Variants in P4HB observed in about 807,000 individuals in gnomAD.
The protein encoded by P4HB is prolyl 4-hydroxylase subunit beta, also known as protein disulfide-isomerase.
Under a neutral mutation model 52.6 loss-of-function variants are expected in P4HB, and 20 were observed. That is an observed-to-expected ratio of 0.38 (90% CI 0.27 to 0.55). P4HB has a LOEUF of 0.55. P4HB is among the 20% of genes least tolerant of loss of function. The pLI is 0.74. For missense variants in P4HB, 601 were observed against 669.2 expected (o/e 0.90, Z 1.12); for synonymous variants, 296 against 277.9 (o/e 1.07, Z -0.65).
In P4HB at chr17:81,843,952, C is replaced by T; in HGVS notation, c.*60G>A. The T allele has an allele frequency of 7.9e-7, 1 of 1,261,644 alleles. No individual in the cohort carries two copies. The highest frequency in any genetic ancestry group is 1.5e-5 in the African/African-American group (1 of 67,984). 78.2% of individuals were successfully genotyped at this position (1,261,644 alleles called of 1,614,324 possible). A position where few individuals can be genotyped will look rare whatever the true frequency, so the allele number is the denominator to read the frequency against. ...AGGCCGCAGGCTTCGGAGGCGTGCG[C>T]TGCTGCTGGGTGTGCAGCCCCCGAG... On this transcript the variant is annotated 3_prime_UTR_variant, in exon 11 of 11. Coordinates refer to ENST00000331483, the MANE Select transcript of P4HB (RefSeq NM_000918.4).
chr17:81,860,370 G>T lies in P4HB; in HGVS notation c.102C>A (p.Phe34Leu). 6.8e-7 allele frequency: 1 copy of T among 1,473,730 alleles called. No homozygotes were observed. 91.3% of individuals were successfully genotyped at this position (1,473,730 alleles called of 1,614,324 possible). A position where few individuals can be genotyped will look rare whatever the true frequency, so the allele number is the denominator to read the frequency against. ...DHVLVLRKSNFAEALAAHKYL... is the reference protein window; with the variant it reads ...DHVLVLRKSNLAEALAAHKYL... ...ACTTGTGGGCCGCCAGCGCCTCCGC[G>T]AAGTTGCTTTTCCGCAGCACCAGGA... The change falls in exon 1 of 11, where the codon TTC becomes TTA. Residue 34 changes from phenylalanine to leucine, a missense_variant. Physicochemically the swap from Phe to Leu is conservative, Grantham distance 22 (BLOSUM62 0). Coordinates refer to ENST00000331483, the MANE Select transcript of P4HB (RefSeq NM_000918.4).
rs1379665569 is a variant in P4HB, at chr17:81,846,674, C to A, written c.856-45G>T. ...TGCACAGGTGCGGGAGACGGCTGGC[C>A]TCTGCCTCCAGCCCTGACTTTGCTC... On this transcript the variant is annotated intron_variant, in intron 6 of 10. Coordinates refer to ENST00000331483, the MANE Select transcript of P4HB (RefSeq NM_000918.4). This position sits in a 1 kb window ranked among gnomAD's most constrained non-coding sequence, Gnocchi z 5.7. 1 of 1,566,304 alleles carries A rather than the reference C, an allele frequency of 6.4e-7. No homozygotes were observed. The highest frequency in any genetic ancestry group is 2.2e-5 in the East Asian group (1 of 44,502).
Position 81,846,624 on chromosome 17 carries a change from C to A in P4HB, c.861G>T (p.Leu287=). 1 of 1,613,718 alleles carries A rather than the reference C, an allele frequency of 6.2e-7. No individual in the cohort carries two copies. The part of the protein sequence containing the change: ...TAAESFKGKI[L]FIFIDSDHTD... The stretch of plus-strand genomic sequence containing the variant: ...TGTGGTCGCTGTCGATGAAGATGAA[C>A]AGGATCTGGGGGAGAAAAGGAGGTT... The change falls in exon 7 of 11, where the codon CTG becomes CTT. Residue 287 remains leucine (L), a synonymous_variant. Coordinates refer to ENST00000331483, the MANE Select transcript of P4HB (RefSeq NM_000918.4). This position sits in a 1 kb window ranked among gnomAD's most constrained non-coding sequence, Gnocchi z 5.7.
rs1398038074 is a variant in P4HB at position 81,847,328 on chromosome 17, T to C, written c.644A>G (p.Asn215Ser). 6.2e-7 allele frequency: 1 copy of C among 1,614,076 alleles called. No homozygotes were observed. Among genetic ancestry groups the C allele is most frequent in the Admixed American group, 1.7e-5 (1 of 60,024 alleles). The change falls in exon 5 of 11, where the codon AAC (asparagine) becomes AGC (serine). Residue 215 changes from asparagine to serine, a missense_variant. By Grantham distance (46) the Asn-to-Ser change is conservative. Coordinates refer to ENST00000331483, the MANE Select transcript of P4HB (RefSeq NM_000918.4). ...LFKKFDEGRN[N>S]FEGEVTKENL... Reference sequence around the variant, plus strand: ...CTCCTTGGTGACCTCCCCTTCAAAGTTGTTCCGGCCTTCATCAAACTGTGG... The same window carrying C: ...CTCCTTGGTGACCTCCCCTTCAAAGCTGTTCCGGCCTTCATCAAACTGTGG...
rs1460272345 is a variant in P4HB at position 81,848,709 on chromosome 17, C to G, written c.625-1362G>C. 3.0e-5 allele frequency among the ~76,000 whole-genome samples: 4 copies of G among 132,320 alleles called. No individual in the cohort carries two copies. The East Asian group carries it at 9.4e-4, about 31-fold the overall frequency. The allele number at this position is 132,320 out of a possible 152,430, so 86.8% of individuals were successfully genotyped here. On this transcript the variant is annotated intron_variant, in intron 4 of 10. Coordinates refer to ENST00000331483, the MANE Select transcript of P4HB (RefSeq NM_000918.4). ...CGAGATCGCACCACTGCACTCCAGC[C>G]TGGGCGACAAGAGCGAAACTCTGTC...
At position 81,855,160 on chromosome 17, in the gene P4HB, C is replaced by T. The variant is rs769647375; in HGVS notation, c.606G>A (p.Gly202=). The change falls in exon 4 of 11, where the codon GGG becomes GGA. Residue 202 remains glycine (G), a synonymous_variant. Transcript: ENST00000331483. This position sits in a 1 kb window ranked among gnomAD's most constrained non-coding sequence, Gnocchi z 4.3. ...VFSKYQLDKD[G]VVLFKKFDEG... is the part of the protein sequence containing the mutation. ...CACTCACCTTCTTAAAGAGGACAAC[C>T]CCATCTTTGTCGAGCTGGTATTTGG... 1.2e-6 allele frequency: 2 copies of T among 1,614,104 alleles called. No individual in the cohort carries two copies. Among genetic ancestry groups the T allele is most frequent in the Admixed American group, 3.3e-5 (2 of 60,004 alleles).
intron 4 of P4HB, among the ~76,000 whole-genome samples, chr17:81,851,132 G>A (rs371313059): frequency 1.3e-5 from 2 of 151,932 alleles, no homozygotes; most frequent in Non-Finnish European, 2.9e-5. Flanking sequence ...GGGTTTCACC[G>A]TGTTAGCCAG....
At chr17:81,854,254 C>T (rs905148085) in intron 4 of P4HB, among the ~76,000 whole-genome samples, 1 of 152,204 alleles carries the variant, frequency 6.6e-6, no homozygotes, top group Non-Finnish European at 1.5e-5. Flanking sequence ...ATAGTTAAAA[C>T]GTGGCCGGGC....
At chr17:81,845,529 C>T in intron 9 of P4HB, 32 bp downstream of exon 9, 2 of 1,549,778 alleles carry the variant, frequency 1.3e-6, no homozygotes, top group East Asian at 2.3e-5. Flanking sequence ...TTCCCAGAGC[C>T]CGCCCCAGCC....
rs562851598 is a variant in P4HB, at chr17:81,853,915, C to T, written c.624+1227G>A. Among the ~76,000 whole-genome samples, 5 of 152,308 alleles carry T rather than the reference C, an allele frequency of 3.3e-5. No homozygotes were observed. In the East Asian group the frequency reaches 5.8e-4, roughly 18 times the overall value. On this transcript the variant is annotated intron_variant, in intron 4 of 10. Transcript: ENST00000331483. ...GCCCCAGCCCCACCTGCCTGGTGAC[C>T]GAGAAAAGAGACAATAGAAACCCAC... is the stretch of plus-strand genomic sequence containing the variant.
At position 81,846,208 on chromosome 17, in the gene P4HB, A is replaced by C. The variant is rs2038733296; in HGVS notation, c.1057-217T>G. Among the ~76,000 whole-genome samples, 1 of 152,214 alleles carries C rather than the reference A, an allele frequency of 6.6e-6. No homozygotes were observed. Among genetic ancestry groups the C allele is most frequent in the African/African-American group, 2.4e-5 (1 of 41,470 alleles). ...GCAGGCCGCACCCTCGCCGGCCAGG[A>C]GGTTTCCCTGAGGAGCATCTGGGCC... On this transcript the variant is annotated intron_variant, in intron 7 of 10. Coordinates refer to ENST00000331483, the MANE Select transcript of P4HB (RefSeq NM_000918.4). The surrounding 1 kb of genome is among the most constrained non-coding windows in gnomAD (Gnocchi z 5.7).
At chr17:81,850,642 C>T (rs1308717768) in intron 4 of P4HB, among the ~76,000 whole-genome samples, 1 of 151,354 alleles carries the variant, frequency 6.6e-6, no homozygotes, top group Admixed American at 6.6e-5. Flanking sequence ...TGCCAACACG[C>T]CTGGCAAATT....
intron 8 of P4HB, 22 bp downstream of exon 8, chr17:81,845,849 G>T: frequency 6.2e-7 from 1 of 1,614,030 alleles, no homozygotes. Context: ...CGGACCTGGG[G>T]AGCTGAAAGG....
At chr17:81,856,502 T>TA (rs1473166541) in intron 2 of P4HB, among the ~76,000 whole-genome samples, 1 of 151,654 alleles carries the variant, frequency 6.6e-6, no homozygotes, top group Non-Finnish European at 1.5e-5. Flanking sequence ...CACACCCGGC[T>TA]AATTTTTGTA....
chr17:81,845,802 C>T, intron 8 of P4HB, 60 bp from the exon 9 acceptor site: 1 of 1,612,882 alleles, frequency 6.2e-7, no homozygotes, highest in Non-Finnish European at 8.5e-7. Context: ...AGACGCTTCC[C>T]CAGGAGTCTG....
chr17:81,844,243 G>A (rs556537339), intron 10 of P4HB, 151 bp from the exon 11 acceptor site: 39 of 711,220 alleles, frequency 5.5e-5, no homozygotes, highest in Non-Finnish European at 8.6e-5. Flanking sequence ...TGGTCTTTAC[G>A]AGCTACACAG....
intron 1 of P4HB, 150 bp downstream of exon 1, chr17:81,860,177 G>A (rs1307792956): frequency 4.8e-6 from 3 of 621,890 alleles, no homozygotes; most frequent in African/African-American, 1.9e-5. Context: ...GGGAGCCCCT[G>A]ACATGGCCCC....
chr17:81,851,328 G>A (rs898329384), intron 4 of P4HB, among the ~76,000 whole-genome samples: 1 of 152,204 alleles, frequency 6.6e-6, no homozygotes, highest in African/African-American at 2.4e-5. Flanking sequence ...TAGAGACCAG[G>A]TGCCACTCCC....
In P4HB at chr17:81,845,125, G is replaced by A; in HGVS notation, c.1446+19C>T. The stretch of plus-strand genomic sequence containing the variant: ...GGGCTGAATCCCAGAGACCAGCCCA[G>A]GGCTGTGACCCCACTCACGTCATCA... On this transcript the variant is annotated intron_variant, in intron 10 of 10. Coordinates refer to ENST00000331483, the MANE Select transcript of P4HB (RefSeq NM_000918.4). 1 of 1,591,056 alleles carries A rather than the reference G, an allele frequency of 6.3e-7. No individual in the cohort carries two copies. The highest frequency in any genetic ancestry group is 1.1e-5 in the South Asian group (1 of 89,860).
Sources: allele counts gnomAD v4.1 joint callset (sites outside exome capture counted in the v4.1 genomes callset), GRCh38; gene constraint gnomAD v4.1.1; non-coding constraint Gnocchi (gnomAD v3.1); transcripts MANE v1.5; gene names NCBI Gene and HGNC (gene_info 2026-07-23, HGNC 2026-07-21).